TNRC6B: variants seen among roughly 807,000 people sequenced by gnomAD.
TNRC6B encodes the protein trinucleotide repeat-containing gene 6B protein.
In TNRC6B, 52 loss-of-function variants were observed where a neutral mutation model predicts 203.6. The ratio of observed to expected loss-of-function variants is 0.26; its 90% CI spans 0.20 to 0.32. TNRC6B has a LOEUF of 0.32. Among genes scored for constraint, TNRC6B ranks in the 10% least tolerant of loss-of-function variants. The pLI is 1.00. For synonymous variants in TNRC6B, 838 were observed against 845.7 expected (o/e 0.99, Z 0.16); for missense variants, 1,923 against 2,286.2 (o/e 0.84, Z 3.24).
chr22:40,209,024 A>G (rs2069523732), intron 1 of TNRC6B, among the ~76,000 whole-genome samples: 1 of 152,198 alleles, frequency 6.6e-6, no homozygotes, highest in Admixed American at 6.5e-5. Flanking sequence ...TTTTTATCAG[A>G]GCAACAATAT....
chr22:40,301,862 G>A (rs539757930), intron 15 of TNRC6B, among the ~76,000 whole-genome samples: 6 of 152,180 alleles, frequency 3.9e-5, no homozygotes, highest in South Asian at 2.1e-4. Context: ...CTTTCAATAC[G>A]TGTGTATGAA....
At chr22:40,201,588 A>G (rs2069412932) in intron 1 of TNRC6B, among the ~76,000 whole-genome samples, 1 of 151,562 alleles carries the variant, frequency 6.6e-6, no homozygotes, top group African/African-American at 2.4e-5. Flanking sequence ...GGCGTACTCT[A>G]CTACACCTGG....
intron 3 of TNRC6B, among the ~76,000 whole-genome samples, chr22:40,152,313 C>T (rs2068765452): frequency 6.6e-6 from 1 of 152,104 alleles, no homozygotes; most frequent in Non-Finnish European, 1.5e-5. Context: ...AGTTTACTGA[C>T]TTCAACGTTT....
At chr22:40,269,760 C>T (rs927420819) in intron 5 of TNRC6B, among the ~76,000 whole-genome samples, 7 of 151,678 alleles carry the variant, frequency 4.6e-5, no homozygotes, top group African/African-American at 1.7e-4. Flanking sequence ...TGGTGGCACA[C>T]GCCTGTAATC....
chr22:40,323,159 C>T lies in TNRC6B; in HGVS notation c.5420C>T (p.Thr1807Met), dbSNP rs926595445. 5 of 1,613,824 alleles carry T rather than the reference C, an allele frequency of 3.1e-6. No homozygotes were observed. Among genetic ancestry groups the T allele is most frequent in the East Asian group, 2.2e-5 (1 of 44,876 alleles). The change falls in exon 23 of 23, where the codon ACG becomes ATG. Residue 1807 changes from threonine (T) to methionine (M), a missense_variant. Around this residue, in one of 8 missense-constraint regions of TNRC6B, gnomAD observed 126 missense variants for 137.5 expected, o/e 0.92. Coordinates refer to ENST00000454349, the MANE Select transcript of TNRC6B (RefSeq NM_001162501.2). ...TCTTCTAGCTTATGGGGAGTCCCAA[C>T]GGTGGAAGATCCCCATAGGATGGGC... Reference protein sequence around the residue: ...NYSSSLWGVPTVEDPHRMGSP... With the variant: ...NYSSSLWGVPMVEDPHRMGSP...
intron 1 of TNRC6B, among the ~76,000 whole-genome samples, chr22:40,242,286 A>G (rs1214541218): frequency 1.3e-5 from 2 of 152,184 alleles, no homozygotes; most frequent in East Asian, 1.9e-4. Flanking sequence ...TATTGTGTCT[A>G]TATATATTGG....
At chr22:40,316,247 G>T (rs2071256530) in intron 21 of TNRC6B, among the ~76,000 whole-genome samples, 4 of 151,974 alleles carry the variant, frequency 2.6e-5, no homozygotes, top group Admixed American at 1.3e-4. Context: ...CCAGCTACTC[G>T]GGAGGCTGAG....
intron 1 of TNRC6B, among the ~76,000 whole-genome samples, chr22:40,096,546 C>T (rs900044422): frequency 2.6e-5 from 4 of 152,180 alleles, no homozygotes; most frequent in Non-Finnish European, 5.9e-5. Flanking sequence ...TGTCCAGCTA[C>T]TCAGTGTGCA....
chr22:40,318,663 A>T (rs2071292608), intron 21 of TNRC6B, among the ~76,000 whole-genome samples: 1 of 152,134 alleles, frequency 6.6e-6, no homozygotes, highest in Non-Finnish European at 1.5e-5. Flanking sequence ...CTATTTTCTA[A>T]GAGTTGTCAC....
intron 4 of TNRC6B, among the ~76,000 whole-genome samples, chr22:40,168,694 G>A (rs529765619): frequency 6.6e-6 from 1 of 152,270 alleles, no homozygotes; most frequent in East Asian, 1.9e-4. Flanking sequence ...TAGCAGAAAT[G>A]CTTAGCTCTC....
At chr22:40,221,044 A>G (rs1014239914) in intron 1 of TNRC6B, among the ~76,000 whole-genome samples, 24 of 152,100 alleles carry the variant, frequency 1.6e-4, no homozygotes, top group African/African-American at 5.6e-4. Flanking sequence ...CCTACTGATG[A>G]TGGCATCCCC....
chr22:40,089,288 A>G (rs1859147570), intron 1 of TNRC6B, among the ~76,000 whole-genome samples: 1 of 151,974 alleles, frequency 6.6e-6, no homozygotes, highest in African/African-American at 2.4e-5. Context: ...GCTGGAGCGC[A>G]TTGGTGTGAT....
rs887007379 is a variant in TNRC6B, at chr22:40,330,872, A to G, written c.*7631A>G. The G allele has an allele frequency of 2.6e-5, 4 of 152,650 alleles. No individual in the cohort carries two copies. The highest frequency in any genetic ancestry group is 5.9e-5 in the Non-Finnish European group (4 of 68,044). The allele number at this position is 152,650 out of a possible 1,614,324, so 9.5% of individuals were successfully genotyped here. ...GAGATTTCATTAGCATCAATATTGC[A>G]CAGTGTAGAGTTGAGTGGAAGAGAT... is the stretch of plus-strand genomic sequence containing the variant. On this transcript the variant is annotated 3_prime_UTR_variant, in exon 23 of 23. Coordinates refer to ENST00000454349, the MANE Select transcript of TNRC6B (RefSeq NM_001162501.2).
intron 1 of TNRC6B, among the ~76,000 whole-genome samples, chr22:40,220,642 C>T (rs1428271266): frequency 6.6e-6 from 1 of 152,116 alleles, no homozygotes; most frequent in Non-Finnish European, 1.5e-5. Context: ...TTTTGATGCT[C>T]GGTGTTTCAT....
intron 1 of TNRC6B, among the ~76,000 whole-genome samples, chr22:40,057,439 G>A (rs1490755106): frequency 3.3e-5 from 5 of 151,890 alleles, no homozygotes; most frequent in African/African-American, 1.2e-4. Flanking sequence ...GATCACAGGC[G>A]TGTGCCACCA....
intron 16 of TNRC6B, among the ~76,000 whole-genome samples, 186 bp from the exon 17 acceptor site, chr22:40,310,631 T>G (rs558917134): frequency 1.3e-5 from 2 of 152,136 alleles, no homozygotes; most frequent in Non-Finnish European, 2.9e-5. Flanking sequence ...AGAGGCGAAA[T>G]GACTTGTTGT....
chr22:40,139,325 AT>A (rs562172960), intron 3 of TNRC6B, among the ~76,000 whole-genome samples: 34,521 of 120,524 alleles, frequency 0.29, 4,187 homozygotes, highest in South Asian at 0.48. Flanking sequence ...GGGTGTACGC[AT>A]TTTTTTTTTT....
At chr22:40,262,221 GC>G (rs1569043025) in intron 4 of TNRC6B, 48 bp downstream of exon 4, 1 of 1,329,698 alleles carries the variant, frequency 7.5e-7, no homozygotes, top group African/African-American at 1.5e-5. Flanking sequence ...CAGAGAGAGA[GC>G]ACTTTGTTTG....
At chr22:40,132,958 A>AT (rs1253488975) in intron 3 of TNRC6B, among the ~76,000 whole-genome samples, 5 of 114,080 alleles carry the variant, frequency 4.4e-5, no homozygotes, top group African/African-American at 9.8e-5. Flanking sequence ...AAAAAAAAAA[A>AT]AAAAAAAAAA....
Sources: gnomAD v4.1 joint callset for allele counts (sites outside exome capture counted in the v4.1 genomes callset) on GRCh38, gnomAD v4.1.1 for gene constraint, gnomAD v4.1.1 regional missense constraint, MANE v1.5 for transcripts, NCBI Gene and HGNC (gene_info 2026-07-23, HGNC 2026-07-21) for gene names.